Variants in TANC2 observed in about 807,000 individuals in gnomAD.
TANC2 encodes the protein tetratricopeptide repeat, ankyrin repeat and coiled-coil containing 2.
In TANC2, 26 loss-of-function variants were observed where a neutral mutation model predicts 210.5. The ratio of observed to expected loss-of-function variants is 0.12; its 90% confidence interval spans 0.09 to 0.17. The LOEUF (loss-of-function observed/expected upper bound fraction) is 0.17. Among genes scored for constraint, TANC2 ranks in the 10% least tolerant of loss-of-function variants. TANC2 has a pLI of 1.00. For missense variants in TANC2, 2,129 were observed against 2,608.9 expected (o/e 0.82, Z 4.01); for synonymous variants, 931 against 967.1 (o/e 0.96, Z 0.69).
intron 2 of TANC2, among the ~76,000 whole-genome samples, chr17:63,010,934 T>C (rs2033839909): frequency 6.6e-6 from 1 of 152,122 alleles, no homozygotes; most frequent in South Asian, 2.1e-4. Context: ...CCCATCCTTT[T>C]GGGTTTTTAT....
chr17:63,324,504 C>T (rs939402638), intron 11 of TANC2, among the ~76,000 whole-genome samples: 2 of 152,080 alleles, frequency 1.3e-5, no homozygotes, highest in African/African-American at 4.8e-5. Flanking sequence ...CATACATACA[C>T]AGAAAATGAA....
intron 8 of TANC2, among the ~76,000 whole-genome samples, chr17:63,250,712 A>G (rs2043034253): frequency 6.6e-6 from 1 of 152,214 alleles, no homozygotes; most frequent in South Asian, 2.1e-4. Context: ...CACTGTTCAA[A>G]GCACTTAAGT....
chr17:62,972,903 A>G (rs989608377), intron 1 of TANC2, among the ~76,000 whole-genome samples: 1 of 152,098 alleles, frequency 6.6e-6, no homozygotes, highest in South Asian at 2.1e-4. Context: ...AAACTGCTTC[A>G]CAGCCATCAT....
intron 11 of TANC2, among the ~76,000 whole-genome samples, chr17:63,336,770 T>G (rs1479146968): frequency 6.6e-6 from 1 of 152,170 alleles, no homozygotes; most frequent in African/African-American, 2.4e-5. Flanking sequence ...AAGAAAGACA[T>G]AGCTAAAAAA....
chr17:63,098,238 T>A (rs1357899937), intron 3 of TANC2, among the ~76,000 whole-genome samples: 1 of 152,052 alleles, frequency 6.6e-6, no homozygotes, highest in Non-Finnish European at 1.5e-5. Context: ...TTATGTTTGT[T>A]TTTAGTAGGC....
At chr17:63,117,754 A>G (rs1023476826) in intron 4 of TANC2, among the ~76,000 whole-genome samples, 8 of 152,206 alleles carry the variant, frequency 5.3e-5, no homozygotes, top group African/African-American at 1.9e-4. Context: ...TGAGGAAGAA[A>G]AACTAAAACC....
At chr17:62,984,934 G>A (rs189928258) in intron 1 of TANC2, among the ~76,000 whole-genome samples, 1 of 152,128 alleles carries the variant, frequency 6.6e-6, no homozygotes, top group Non-Finnish European at 1.5e-5. Flanking sequence ...TGCAGGTGTT[G>A]GGTGAAACAC....
intron 13 of TANC2, among the ~76,000 whole-genome samples, chr17:63,354,012 CAG>C (rs1163453567): frequency 6.6e-6 from 1 of 152,028 alleles, no homozygotes; most frequent in African/African-American, 2.4e-5. Context: ...AAAATGGGAA[CAG>C]AGATACAGGG....
At chr17:63,176,381 C>T (rs571682417) in intron 5 of TANC2, among the ~76,000 whole-genome samples, 15 of 152,268 alleles carry the variant, frequency 9.9e-5, no homozygotes, top group Middle Eastern at 3.4e-3. Context: ...TTAACATACT[C>T]AACAACATGA....
At chr17:63,074,163 T>C in intron 3 of TANC2, 149 bp downstream of exon 3, 1 of 530,590 alleles carries the variant, frequency 1.9e-6, no homozygotes, top group Non-Finnish European at 3.1e-6. Context: ...GATGTAAAAA[T>C]CTATATATTA....
chr17:63,229,282 T>G (rs1390000549), intron 7 of TANC2, among the ~76,000 whole-genome samples: 1 of 152,104 alleles, frequency 6.6e-6, no homozygotes, highest in African/African-American at 2.4e-5. Context: ...TGAAGCCAAC[T>G]TGATCGTAGC....
exon 11 of TANC2, chr17:63,318,969 A>G (rs1418458184): frequency 6.2e-7 from 1 of 1,613,000 alleles, no homozygotes. Context: ...GTGGATGCCA[A>G]CAGAGAGCTG....
chr17:63,274,564 A>G (rs2043815168), intron 9 of TANC2, among the ~76,000 whole-genome samples: 1 of 152,204 alleles, frequency 6.6e-6, no homozygotes, highest in East Asian at 1.9e-4. Context: ...CTGTAATCCC[A>G]GCACTTTGGG....
intron 4 of TANC2, among the ~76,000 whole-genome samples, chr17:63,147,389 C>T (rs2039499530): frequency 6.6e-6 from 1 of 151,976 alleles, no homozygotes. Flanking sequence ...CTAACTTTAC[C>T]ACACATGTTG....
intron 9 of TANC2, among the ~76,000 whole-genome samples, chr17:63,268,974 T>TA (rs1555620084): frequency 6.6e-5 from 10 of 152,204 alleles, no homozygotes; most frequent in African/African-American, 2.4e-4. Context: ...AATTTTATCT[T>TA]ACGGATGATT....
At chr17:63,074,123 C>T in intron 3 of TANC2, 109 bp downstream of exon 3, 1 of 694,840 alleles carries the variant, frequency 1.4e-6, no homozygotes, top group Non-Finnish European at 2.2e-6. Context: ...TTTAGATATT[C>T]TAGTTTCTCA....
chr17:63,246,852 G>A (rs189631048), intron 8 of TANC2, among the ~76,000 whole-genome samples: 209 of 152,166 alleles, frequency 1.4e-3, no homozygotes, highest in Admixed American at 2.7e-3. Context: ...TGAATCTTAT[G>A]GTAAGCTTAT....
chr17:63,097,822 T>C (rs1424555008), intron 3 of TANC2, among the ~76,000 whole-genome samples: 1 of 152,178 alleles, frequency 6.6e-6, no homozygotes, highest in Non-Finnish European at 1.5e-5. Context: ...TTTTTTCCTT[T>C]AATGCTTGTG....
chr17:63,169,978 G>A (rs1160603848), intron 5 of TANC2, among the ~76,000 whole-genome samples: 2 of 149,108 alleles, frequency 1.3e-5, no homozygotes, highest in East Asian at 4.0e-4. Context: ...AATTAGCCAG[G>A]CGCGGTGGCA....
Sources: gnomAD v4.1 joint callset for allele counts (sites outside exome capture counted in the v4.1 genomes callset) on GRCh38, gnomAD v4.1.1 for gene constraint, MANE v1.5 for transcripts, NCBI Gene and HGNC (gene_info 2026-07-23, HGNC 2026-07-21) for gene names.